The following PAPPA2 variants were observed in gnomAD, a reference collection of about 807,000 sequenced individuals.
PAPPA2 encodes pappalysin-2.
Under a neutral mutation model 176.4 loss-of-function variants are expected in PAPPA2, and 86 were observed. That is an observed-to-expected ratio of 0.49 (90% CI 0.41 to 0.58). PAPPA2 has a LOEUF of 0.58. PAPPA2 is among the 20% of genes least tolerant of loss of function. The pLI is 0.00. For missense variants in PAPPA2, 2,073 were observed against 2,256.9 expected (o/e 0.92, Z 1.65); for synonymous variants, 809 against 852.2 (o/e 0.95, Z 0.88).
At chr1:176,491,975 G>C (rs574456960) in intron 1 of PAPPA2, among the ~76,000 whole-genome samples, 2 of 152,314 alleles carry the variant, frequency 1.3e-5, no homozygotes, top group South Asian at 4.1e-4. Context: ...CAGAACCCAG[G>C]CTCTTTAATT....
intron 3 of PAPPA2, among the ~76,000 whole-genome samples, chr1:176,602,355 CAG>C (rs1241960621): frequency 1.3e-5 from 2 of 152,114 alleles, no homozygotes; most frequent in Non-Finnish European, 2.9e-5. Flanking sequence ...AGGGATATGG[CAG>C]AGAGTGGAGT....
chr1:176,824,056 G>A (rs1334368676), intron 21 of PAPPA2, among the ~76,000 whole-genome samples: 2 of 152,168 alleles, frequency 1.3e-5, no homozygotes, highest in South Asian at 2.1e-4. Context: ...TGATGAGAGA[G>A]GAGTTAAAGA....
At chr1:176,698,755 A>G (rs1208860936) in intron 7 of PAPPA2, among the ~76,000 whole-genome samples, 1 of 152,168 alleles carries the variant, frequency 6.6e-6, no homozygotes, top group African/African-American at 2.4e-5. Context: ...TTATGAATGG[A>G]CTAATCACAT....
intron 3 of PAPPA2, among the ~76,000 whole-genome samples, chr1:176,670,013 T>C (rs950345719): frequency 1.3e-5 from 2 of 152,172 alleles, no homozygotes; most frequent in Non-Finnish European, 1.5e-5. Flanking sequence ...TTCCTATCTC[T>C]GGAATGGCAG....
At chr1:176,616,112 C>T (rs761843041) in intron 3 of PAPPA2, among the ~76,000 whole-genome samples, 4 of 152,122 alleles carry the variant, frequency 2.6e-5, no homozygotes, top group Admixed American at 6.5e-5. Context: ...CAGAGGTTGC[C>T]AAATCTGTCT....
At position 176,791,373 on chromosome 1, in the gene PAPPA2, CCT is replaced by C; in HGVS notation, c.4912_4913del (p.Leu1638ValfsTer6). Reference protein sequence around the residue: ...KLPILCTKEGLWTQEFKLCEN... With the variant: ...KLPILCTKEGXWTQEFKLCEN... The stretch of plus-strand genomic sequence containing the variant: ...TTCCCATCCTCTGCACTAAAGAGGG[CCT>C]GTGGACCCAGGAGTTTAAGTTGTGT... On this transcript the variant is annotated frameshift_variant, in exon 19 of 23. Coordinates refer to ENST00000367662, the MANE Select transcript of PAPPA2 (RefSeq NM_020318.3). LOFTEE classifies it high-confidence loss of function. The C allele has an allele frequency of 6.2e-7, 1 of 1,610,698 alleles. No individual in the cohort carries two copies. The highest frequency in any genetic ancestry group is 8.5e-7 in the Non-Finnish European group (1 of 1,177,202).
At chr1:176,754,125 A>C (rs1040953865) in intron 14 of PAPPA2, among the ~76,000 whole-genome samples, 3 of 151,854 alleles carry the variant, frequency 2.0e-5, no homozygotes, top group African/African-American at 7.3e-5. Context: ...AGACAATTCC[A>C]GAATAGCCTT....
At chr1:176,570,886 G>A (rs569503239) in intron 2 of PAPPA2, among the ~76,000 whole-genome samples, 4 of 151,982 alleles carry the variant, frequency 2.6e-5, no homozygotes, top group South Asian at 4.1e-4. Context: ...GCCATTCCCC[G>A]CCCTTCTGTG....
chr1:176,631,872 T>C (rs1558484428), intron 3 of PAPPA2, among the ~76,000 whole-genome samples: 1 of 152,094 alleles, frequency 6.6e-6, no homozygotes, highest in Non-Finnish European at 1.5e-5. Context: ...CAGGAGAATA[T>C]AAAAGTTTTG....
intron 7 of PAPPA2, among the ~76,000 whole-genome samples, chr1:176,698,745 T>A (rs1453089177): frequency 6.6e-6 from 1 of 152,166 alleles, no homozygotes; most frequent in Non-Finnish European, 1.5e-5. Context: ...TTATCATAAG[T>A]TATGAATGGA....
intron 10 of PAPPA2, among the ~76,000 whole-genome samples, chr1:176,708,886 G>T (rs1661008412): frequency 6.6e-6 from 1 of 151,986 alleles, no homozygotes; most frequent in African/African-American, 2.4e-5. Context: ...TATATACCTA[G>T]GTGTTGTTAT....
chr1:176,782,306 G>A (rs1338072604), intron 17 of PAPPA2, among the ~76,000 whole-genome samples: 1 of 152,122 alleles, frequency 6.6e-6, no homozygotes, highest in Non-Finnish European at 1.5e-5. Flanking sequence ...TGCATACTGG[G>A]AATATCATAG....
chr1:176,520,029 C>A (rs543454679), intron 1 of PAPPA2, among the ~76,000 whole-genome samples: 1 of 152,088 alleles, frequency 6.6e-6, no homozygotes, highest in African/African-American at 2.4e-5. Flanking sequence ...GTCCTTGGGG[C>A]AAAGTCTTAG....
At chr1:176,602,986 T>A (rs967929240) in intron 3 of PAPPA2, among the ~76,000 whole-genome samples, 4 of 152,358 alleles carry the variant, frequency 2.6e-5, no homozygotes, top group Non-Finnish European at 5.9e-5. Context: ...CTTGTGGACT[T>A]TCCTCCTCAG....
At chr1:176,712,526 T>C (rs1661191837) in intron 12 of PAPPA2, among the ~76,000 whole-genome samples, 1 of 152,236 alleles carries the variant, frequency 6.6e-6, no homozygotes, top group Admixed American at 6.5e-5. Flanking sequence ...GTAGTGTTCA[T>C]TTTCATTGTG....
At chr1:176,767,505 A>G (rs897896756) in intron 15 of PAPPA2, among the ~76,000 whole-genome samples, 6 of 152,022 alleles carry the variant, frequency 3.9e-5, no homozygotes, top group Non-Finnish European at 7.4e-5. Context: ...ATGCCACCAC[A>G]CCCAGCTAAT....
intron 3 of PAPPA2, among the ~76,000 whole-genome samples, chr1:176,617,375 A>G (rs1417109522): frequency 1.3e-5 from 2 of 152,044 alleles, no homozygotes; most frequent in Non-Finnish European, 2.9e-5. Flanking sequence ...TGCAGCAGAC[A>G]AGTTCTTTAG....
At chr1:176,792,271 G>C (rs949614965) in intron 19 of PAPPA2, among the ~76,000 whole-genome samples, 3 of 152,224 alleles carry the variant, frequency 2.0e-5, no homozygotes, top group South Asian at 2.1e-4. Context: ...AATATCATAG[G>C]AAAGAGTTGT....
chr1:176,529,600 G>A (rs1649692942), intron 1 of PAPPA2, among the ~76,000 whole-genome samples: 1 of 152,212 alleles, frequency 6.6e-6, no homozygotes, highest in African/African-American at 2.4e-5. Flanking sequence ...ACAAGCTGGT[G>A]CTCAGCAAGA....
Sources: gnomAD v4.1 joint callset for allele counts (sites outside exome capture counted in the v4.1 genomes callset) on GRCh38, gnomAD v4.1.1 for gene constraint, MANE v1.5 for transcripts, NCBI Gene and HGNC (gene_info 2026-07-23, HGNC 2026-07-21) for gene names.